The following NUP107 variants were observed in gnomAD, a reference collection of about 807,000 sequenced individuals.
NUP107 encodes the protein nucleoporin 107.
A neutral mutation model predicts 141.0 loss-of-function variants in NUP107; 101 were observed. The observed-to-expected ratio is 0.72, with a 90% CI of 0.61 to 0.84. The LOEUF (loss-of-function observed/expected upper bound fraction) is 0.84, where lower values mean the gene tolerates loss of function less well. Among genes scored for constraint, NUP107 ranks in the 40% least tolerant of loss-of-function variants. NUP107 has a pLI of 0.00. For synonymous variants in NUP107, 319 were observed against 363.9 expected, an observed-to-expected ratio of 0.88 and a Z score of 1.41; for missense variants, 941 against 1,102.7, an observed-to-expected ratio of 0.85 and a Z score of 2.08.
intron 20 of NUP107, among the ~76,000 whole-genome samples, chr12:68,728,614 G>A (rs1467554762): frequency 6.6e-6 from 1 of 151,232 alleles, no homozygotes; most frequent in Non-Finnish European, 1.5e-5. Flanking sequence ...GTTTTGCTAT[G>A]TTGGCCAGGC....
intron 26 of NUP107, among the ~76,000 whole-genome samples, chr12:68,740,947 T>G (rs1051700561): frequency 9.2e-5 from 14 of 151,822 alleles, no homozygotes; most frequent in Admixed American, 8.5e-4. Flanking sequence ...CTTGGGAGGC[T>G]GAGGTAGGAG....
intron 7 of NUP107, 86 bp from the exon 8 acceptor site, chr12:68,702,650 A>G: frequency 1.1e-6 from 1 of 904,574 alleles, no homozygotes; most frequent in African/African-American, 1.7e-5. Flanking sequence ...AAGTTAGCCA[A>G]ATTTTCCTTC....
At chr12:68,701,566 CA>C (rs1876328726) in intron 7 of NUP107, among the ~76,000 whole-genome samples, 1 of 151,880 alleles carries the variant, frequency 6.6e-6, no homozygotes, top group Admixed American at 6.6e-5. Context: ...CCTATAATCC[CA>C]GCTACTTGGG....
rs1045119408 is a variant in NUP107 at position 68,745,398 on chromosome 12, A to G, written c.*2936A>G. On this transcript the variant is annotated 3_prime_UTR_variant, in exon 28 of 28. Coordinates refer to ENST00000229179, the MANE Select transcript of NUP107 (RefSeq NM_020401.4). ...CTTTTGTACCTGTAATATCTACAATATATAATCTTTCTTTATCGACTTAAG... is the reference window on the plus strand; with the variant it reads ...CTTTTGTACCTGTAATATCTACAATGTATAATCTTTCTTTATCGACTTAAG... The G allele has an allele frequency of 1.3e-5, 2 of 152,220 alleles. No homozygotes were observed. The highest frequency in any genetic ancestry group is 2.9e-5 in the Non-Finnish European group (2 of 68,044). 9.4% of individuals were successfully genotyped at this position (152,220 alleles called of 1,614,324 possible).
intron 5 of NUP107, among the ~76,000 whole-genome samples, chr12:68,692,934 G>A (rs12817926): frequency 2.6e-5 from 4 of 151,734 alleles, no homozygotes; most frequent in Non-Finnish European, 5.9e-5. Flanking sequence ...ATTTTTAGTA[G>A]AAACGGGGTT....
chr12:68,700,988 T>G, intron 7 of NUP107, 135 bp downstream of exon 7: 1 of 813,822 alleles, frequency 1.2e-6, no homozygotes, highest in East Asian at 2.9e-5. Context: ...TCGAATACCT[T>G]AGTTGTCAAG....
chr12:68,700,591 G>A (rs1876280505), intron 6 of NUP107, 135 bp from the exon 7 acceptor site: 1 of 498,394 alleles, frequency 2.0e-6, no homozygotes, highest in Admixed American at 4.1e-5. Context: ...AATTTAAAAA[G>A]ACAAAATAGA....
chr12:68,733,425 T>G, intron 23 of NUP107, 27 bp from the exon 24 acceptor site: 1 of 1,596,732 alleles, frequency 6.3e-7, no homozygotes, highest in Non-Finnish European at 8.5e-7. Flanking sequence ...TCCGTAGGCA[T>G]TCAAAATTGT....
At chr12:68,729,645 G>T (rs567193257) in intron 20 of NUP107, among the ~76,000 whole-genome samples, 1 of 151,926 alleles carries the variant, frequency 6.6e-6, no homozygotes, top group Non-Finnish European at 1.5e-5. Context: ...GTTTCACCAC[G>T]TTGGCCAGGC....
chr12:68,735,657 A>G (rs1055698779), intron 26 of NUP107, among the ~76,000 whole-genome samples: 1 of 152,226 alleles, frequency 6.6e-6, no homozygotes, highest in African/African-American at 2.4e-5. Context: ...CTCGAGTAGT[A>G]TCAGTAAGGC....
chr12:68,688,888 A>G (rs1875637120), intron 1 of NUP107, 74 bp from the exon 2 acceptor site: 3 of 1,144,874 alleles, frequency 2.6e-6, no homozygotes, highest in Non-Finnish European at 3.9e-6. Flanking sequence ...CCTTTACTCC[A>G]ACTGTGATGA....
Position 68,727,266 on chromosome 12 carries a change from T to C in NUP107, c.1696-85T>C, listed in dbSNP as rs1018893885. 39 of 686,420 alleles carry C rather than the reference T, an allele frequency of 5.7e-5. No homozygotes were observed. In the Admixed American group the frequency reaches 9.2e-4, roughly 16 times the overall value. 42.5% of individuals were successfully genotyped at this position (686,420 alleles called of 1,614,324 possible). A position where few individuals can be genotyped will look rare whatever the true frequency, so the allele number is the denominator to read the frequency against. On this transcript the variant is annotated intron_variant, in intron 19 of 27. Coordinates refer to ENST00000229179, the MANE Select transcript of NUP107 (RefSeq NM_020401.4). Reference sequence around the variant, plus strand: ...GTGGTAAACATTACAATTATTAAATTATTTAATAATGGAATTTGTATCAAA... The same window carrying C: ...GTGGTAAACATTACAATTATTAAATCATTTAATAATGGAATTTGTATCAAA...
At chr12:68,701,982 G>A (rs781193645) in intron 7 of NUP107, among the ~76,000 whole-genome samples, 4 of 151,522 alleles carry the variant, frequency 2.6e-5, no homozygotes, top group Non-Finnish European at 5.9e-5. Context: ...GCTAATTTTT[G>A]TATTTTTATT....
intron 12 of NUP107, among the ~76,000 whole-genome samples, chr12:68,717,531 C>G (rs566050974): frequency 9.1e-4 from 139 of 151,954 alleles, no homozygotes; most frequent in Non-Finnish European, 1.5e-3. Context: ...ACAAAATGTG[C>G]CATTTTAATC....
Position 68,722,168 on chromosome 12 carries a change from A to G in NUP107, c.1506+16A>G, listed in dbSNP as rs1451710080. ...TGACAAAAAGGTAAATGTTAATAGG[A>G]ATATGTTAGGTATCTGGAATAGGAA... is the stretch of plus-strand genomic sequence containing the variant. On this transcript the variant is annotated intron_variant, in intron 17 of 27. Coordinates refer to ENST00000229179, the MANE Select transcript of NUP107 (RefSeq NM_020401.4). 6.2e-7 allele frequency: 1 copy of G among 1,607,700 alleles called. No homozygotes were observed. The highest frequency in any genetic ancestry group is 1.7e-5 in the Admixed American group (1 of 59,660).
intron 12 of NUP107, among the ~76,000 whole-genome samples, chr12:68,718,702 G>GC (rs1023370416): frequency 2.4e-5 from 2 of 84,368 alleles, no homozygotes; most frequent in Admixed American, 1.4e-4. Flanking sequence ...GGCTGAGGTA[G>GC]GGGGGATCCC....
rs537004742 is a variant in NUP107 at position 68,735,691 on chromosome 12, C to G, written c.2502+347C>G. Among the ~76,000 whole-genome samples the G allele has an allele frequency of 4.6e-5, 7 of 152,250 alleles. No individual in the cohort carries two copies. The South Asian group carries it at 1.5e-3, about 32-fold the overall frequency. ...GCATAGCTAAGGTAGGGGCTCTCAC[C>G]TCTGGGCTGTCCATTTTAATGACCT... On this transcript the variant is annotated intron_variant, in intron 26 of 27. Transcript: ENST00000229179.
intron 26 of NUP107, among the ~76,000 whole-genome samples, chr12:68,739,005 C>T (rs1208004800): frequency 6.6e-6 from 1 of 151,978 alleles, no homozygotes; most frequent in East Asian, 1.9e-4. Context: ...TTGTGTCCTA[C>T]TGCTCTCCCA....
At chr12:68,701,616 A>G (rs1290698764) in intron 7 of NUP107, among the ~76,000 whole-genome samples, 1 of 151,824 alleles carries the variant, frequency 6.6e-6, no homozygotes, top group Admixed American at 6.6e-5. Context: ...TCGGAGGCAG[A>G]GGTTGCGAGC....
Sources: gnomAD v4.1 joint callset for allele counts (sites outside exome capture counted in the v4.1 genomes callset) on GRCh38, gnomAD v4.1.1 for gene constraint, MANE v1.5 for transcripts, NCBI Gene and HGNC (gene_info 2026-07-23, HGNC 2026-07-21) for gene names.